The following INO80 variants were observed in gnomAD, a reference collection of about 807,000 sequenced individuals.
The protein encoded by INO80 is chromatin-remodeling ATPase INO80.
A neutral mutation model predicts 203.4 loss-of-function variants in INO80; 20 were observed. The observed-to-expected ratio is 0.10, with a 90% CI of 0.07 to 0.14. INO80 has a LOEUF of 0.14. Among genes scored for constraint, INO80 ranks in the 10% least tolerant of loss-of-function variants. The probability of loss-of-function intolerance (pLI) is 1.00; values close to 1 mark genes in which losing one functional copy is unlikely to be tolerated. For missense variants in INO80, 1,419 were observed against 1,914.4 expected, an observed-to-expected ratio of 0.74 and a Z score of 4.83; for synonymous variants, 726 against 685.2, an observed-to-expected ratio of 1.06 and a Z score of -0.93.
chr15:41,103,788 A>C (rs1377271029), intron 1 of INO80, among the ~76,000 whole-genome samples: 1 of 152,180 alleles, frequency 6.6e-6, no homozygotes, highest in African/African-American at 2.4e-5. Context: ...GACCTTTATC[A>C]TCTGGTTTTG....
At position 40,980,460 on chromosome 15, in the gene INO80, C is replaced by T. The variant is rs538358628; in HGVS notation, c.4454-20G>A. ...AGATTCCTGTGGGGACGGAGAGAGA[C>T]AAGAACGTAAGCACCAGTCCCGCGT... On this transcript the variant is annotated intron_variant, in intron 35 of 35. Transcript: ENST00000648947. 66 of 1,593,296 alleles carry T rather than the reference C, an allele frequency of 4.1e-5. No homozygotes were observed. The East Asian group carries it at 1.3e-3, about 31-fold the overall frequency.
chr15:41,106,674 G>C (rs907170703), intron 1 of INO80, among the ~76,000 whole-genome samples: 6 of 152,112 alleles, frequency 3.9e-5, no homozygotes, highest in Admixed American at 1.3e-4. Flanking sequence ...TGCACTCCTA[G>C]GTGTTGTTTC....
At chr15:41,074,963 T>A (rs964116374) in intron 9 of INO80, among the ~76,000 whole-genome samples, 6 of 152,168 alleles carry the variant, frequency 3.9e-5, no homozygotes, top group Non-Finnish European at 7.4e-5. Context: ...CAGGCTGGTC[T>A]CGAACTGAGG....
At chr15:40,985,523 T>C in intron 31 of INO80, 97 bp from the exon 32 acceptor site, 2 of 889,248 alleles carry the variant, frequency 2.2e-6, no homozygotes, top group Admixed American at 3.6e-5. Context: ...ATGTTTATTT[T>C]CCAAGTATCA....
rs191476457 is a variant in INO80, at chr15:41,048,644, G to T, written c.2577-368C>A. On this transcript the variant is annotated intron_variant, in intron 21 of 35. Coordinates refer to ENST00000648947, the MANE Select transcript of INO80 (RefSeq NM_017553.3). ...AAATAACTCATGAAGTAAAATCCAA[G>T]AAATGTGTTTCAATTTCAGTTTCAT... is the stretch of plus-strand genomic sequence containing the variant. Among the ~76,000 whole-genome samples, 6 of 152,270 alleles carry T rather than the reference G, an allele frequency of 3.9e-5. No individual in the cohort carries two copies. In the East Asian group the frequency reaches 1.2e-3, roughly 29 times the overall value.
chr15:40,987,688 A>G (rs1004487166), intron 30 of INO80, 128 bp downstream of exon 30: 18 of 908,794 alleles, frequency 2.0e-5, no homozygotes, highest in Non-Finnish European at 3.0e-5. Context: ...TTTTCTATTC[A>G]GAAGAAATTG....
intron 9 of INO80, among the ~76,000 whole-genome samples, chr15:41,074,965 G>A (rs1432545070): frequency 6.6e-6 from 1 of 151,972 alleles, no homozygotes; most frequent in African/African-American, 2.4e-5. Context: ...GGCTGGTCTC[G>A]AACTGAGGTG....
intron 6 of INO80, among the ~76,000 whole-genome samples, chr15:41,086,846 C>T (rs759385930): frequency 6.6e-6 from 1 of 152,102 alleles, no homozygotes. Context: ...TTTTAAATCA[C>T]CTCGGACAGC....
intron 29 of INO80, among the ~76,000 whole-genome samples, chr15:40,996,921 G>A (rs541042967): frequency 3.9e-5 from 6 of 152,282 alleles, no homozygotes; most frequent in South Asian, 2.1e-4. Flanking sequence ...TACCCTAAAT[G>A]TCTCAAACAG....
chr15:41,037,611 A>C (rs576282938), intron 24 of INO80, among the ~76,000 whole-genome samples: 32 of 152,332 alleles, frequency 2.1e-4, no homozygotes, highest in African/African-American at 7.2e-4. Context: ...TTAATTATAC[A>C]GCCTGCCAGT....
chr15:41,023,023 C>T (rs2044317632), intron 25 of INO80, among the ~76,000 whole-genome samples: 1 of 150,714 alleles, frequency 6.6e-6, no homozygotes, highest in African/African-American at 2.4e-5. Flanking sequence ...ATGGCTTGAA[C>T]CTAGGAGGCA....
At chr15:41,105,015 A>G (rs182795746) in intron 1 of INO80, among the ~76,000 whole-genome samples, 1 of 152,318 alleles carries the variant, frequency 6.6e-6, no homozygotes, top group East Asian at 1.9e-4. Flanking sequence ...TCTGAAAATC[A>G]AAGTTCAGGT....
In INO80 at chr15:41,059,966, G is replaced by T. The variant is rs374485126; in HGVS notation, c.1783-40C>A. On this transcript the variant is annotated intron_variant, in intron 14 of 35. Coordinates refer to ENST00000648947, the MANE Select transcript of INO80 (RefSeq NM_017553.3). ...AATATATACATTACTTTCTATAGAT[G>T]ATCTTAAAAGTATTAGAACAAATAT... The T allele has an allele frequency of 1.9e-4, 237 of 1,264,078 alleles. 2 individuals are homozygous for T. The Middle Eastern group carries it at 1.9e-3, about 10-fold the overall frequency. 78.3% of individuals were successfully genotyped at this position (1,264,078 alleles called of 1,614,324 possible). A position where few individuals can be genotyped will look rare whatever the true frequency, so the allele number is the denominator to read the frequency against.
chr15:41,003,091 G>C (rs2043983893), intron 28 of INO80, among the ~76,000 whole-genome samples: 1 of 151,938 alleles, frequency 6.6e-6, no homozygotes, highest in African/African-American at 2.4e-5. Context: ...CTGCACTCCA[G>C]CCTGGGTGAC....
At chr15:41,072,610 T>A (rs1297460174) in intron 11 of INO80, among the ~76,000 whole-genome samples, 3 of 123,170 alleles carry the variant, frequency 2.4e-5, no homozygotes, top group African/African-American at 9.6e-5. Context: ...TCCCAGCTAC[T>A]CAGGAGGGTG....
Position 41,085,708 on chromosome 15 carries a change from A to G in INO80, c.659-125T>C, listed in dbSNP as rs987776218. 4.4e-6 allele frequency: 3 copies of G among 676,258 alleles called. No individual in the cohort carries two copies. The African/African-American group carries it at 5.4e-5, about 12-fold the overall frequency. 41.9% of individuals were successfully genotyped at this position (676,258 alleles called of 1,614,324 possible). A position where few individuals can be genotyped will look rare whatever the true frequency, so the allele number is the denominator to read the frequency against. On this transcript the variant is annotated intron_variant, in intron 6 of 35. Transcript: ENST00000648947. ...TGACACTGACAACACATATCCCTTT[A>G]TCTACTCAGACCCATGAATATTCCT... is the stretch of plus-strand genomic sequence containing the variant.
chr15:40,995,718 C>T (rs556942750), intron 29 of INO80, among the ~76,000 whole-genome samples: 1 of 152,206 alleles, frequency 6.6e-6, no homozygotes, highest in East Asian at 1.9e-4. Context: ...TATGACTATG[C>T]TGAAATTCTT....
intron 10 of INO80, among the ~76,000 whole-genome samples, 176 bp from the exon 11 acceptor site, chr15:41,073,671 G>C (rs1453757414): frequency 6.6e-6 from 1 of 152,146 alleles, no homozygotes; most frequent in African/African-American, 2.4e-5. Context: ...AAATGCAATG[G>C]AGGTGGAGGA....
chr15:40,988,092 T>C (rs1317586729), intron 29 of INO80, 118 bp from the exon 30 acceptor site: 6 of 772,630 alleles, frequency 7.8e-6, no homozygotes, highest in African/African-American at 1.7e-5. Flanking sequence ...TTCGTTTCTA[T>C]GATATTGAGC....
Sources: allele counts gnomAD v4.1 joint callset (sites outside exome capture counted in the v4.1 genomes callset), GRCh38; gene constraint gnomAD v4.1.1; transcripts MANE v1.5; gene names NCBI Gene and HGNC (gene_info 2026-07-23, HGNC 2026-07-21).